PROM1: variants seen among roughly 807,000 people sequenced by gnomAD.
PROM1 encodes the protein prominin 1.
Under a neutral mutation model 116.9 loss-of-function variants are expected in PROM1, and 105 were observed. The ratio of observed to expected loss-of-function variants is 0.90; its 90% CI spans 0.77 to 1.06. The LOEUF (loss-of-function observed/expected upper bound fraction) is 1.06. PROM1 is among the 50% of genes least tolerant of loss of function. The pLI, the probability that PROM1 is intolerant of heterozygous loss-of-function variation, is 0.00. For synonymous variants in PROM1, 393 were observed against 387.0 expected (o/e 1.02, Z -0.18); for missense variants, 1,122 against 1,045.2 (o/e 1.07, Z -1.01).
At chr4:16,004,840 C>CTTTCTTTT (rs1560460184) in intron 13 of PROM1, among the ~76,000 whole-genome samples, 5 of 117,882 alleles carry the variant, frequency 4.2e-5, no homozygotes, top group African/African-American at 1.5e-4. Flanking sequence ...TTTCTTCCTT[C>CTTTCTTTT]CTTCCTTCCT....
intron 22 of PROM1, 183 bp downstream of exon 22, chr4:15,985,577 A>AG (rs1719157121): frequency 3.3e-6 from 2 of 608,704 alleles, no homozygotes. Context: ...GGGGACCAGG[A>AG]GGTGGCTGTC....
At chr4:16,009,372 CT>C (rs746061473) in intron 11 of PROM1, among the ~76,000 whole-genome samples, 9 of 152,294 alleles carry the variant, frequency 5.9e-5, no homozygotes, top group Non-Finnish European at 1.0e-4. Flanking sequence ...ACTTACTTTA[CT>C]TAAAGTAGAT....
At chr4:16,038,106 G>A (rs971560241) in intron 3 of PROM1, 1 of 152,122 alleles carries the variant, frequency 6.6e-6, no homozygotes, top group Non-Finnish European at 1.5e-5. Context: ...TATGATCCTT[G>A]TTACATTAAC....
intron 15 of PROM1, among the ~76,000 whole-genome samples, chr4:15,997,730 G>A (rs1296121243): frequency 6.6e-6 from 1 of 152,212 alleles, no homozygotes; most frequent in Non-Finnish European, 1.5e-5. Flanking sequence ...CTCCCAAAGT[G>A]CTGGGATTAT....
At chr4:16,026,425 T>A (rs1211410677) in intron 5 of PROM1, among the ~76,000 whole-genome samples, 1 of 152,102 alleles carries the variant, frequency 6.6e-6, no homozygotes, top group Non-Finnish European at 1.5e-5. Flanking sequence ...GTAAAAAACT[T>A]GTTAGTTTGT....
chr4:16,016,263 A>G lies in PROM1; in HGVS notation c.1003-23T>C, dbSNP rs1346541901. The G allele has an allele frequency of 3.9e-6, 6 of 1,533,728 alleles. No individual in the cohort carries two copies. In the African/African-American group the frequency reaches 5.5e-5, roughly 14 times the overall value. On this transcript the variant is annotated intron_variant, in intron 9 of 27. Coordinates refer to ENST00000447510, the MANE Select transcript of PROM1 (RefSeq NM_006017.3). ...AAGCTGAAAATTTATAAAACAAAAT[A>G]TAAGACAAGGTTGTTACCTTCAAAA...
Position 16,024,284 on chromosome 4 carries a change from A to G in PROM1, c.694+11T>C. ...GAAAAAAAATGTGAAGCAACTTTAA[A>G]TTTTACTCACTGTTCAGATCTGTGA... On this transcript the variant is annotated intron_variant, in intron 7 of 27. Coordinates refer to ENST00000447510, the MANE Select transcript of PROM1 (RefSeq NM_006017.3). 1 of 1,609,918 alleles carries G rather than the reference A, an allele frequency of 6.2e-7. No homozygotes were observed. The highest frequency in any genetic ancestry group is 2.2e-5 in the East Asian group (1 of 44,832).
intron 14 of PROM1, among the ~76,000 whole-genome samples, chr4:15,999,205 C>T (rs1485543510): frequency 7.2e-5 from 11 of 151,992 alleles, no homozygotes; most frequent in Non-Finnish European, 4.4e-5. Flanking sequence ...GGCGCTGTGG[C>T]TCACGCCTGT....
At chr4:16,032,631 G>A (rs776013060) in intron 5 of PROM1, among the ~76,000 whole-genome samples, 2 of 152,034 alleles carry the variant, frequency 1.3e-5, no homozygotes, top group Non-Finnish European at 2.9e-5. Context: ...CTGCTGTGGC[G>A]CACTCATCTT....
intron 14 of PROM1, among the ~76,000 whole-genome samples, chr4:15,999,426 G>C (rs1191028099): frequency 6.6e-6 from 1 of 151,640 alleles, no homozygotes. Context: ...AGCCTAGATG[G>C]CACCACTGCA....
At chr4:15,973,911 T>C (rs1048945473) in intron 26 of PROM1, among the ~76,000 whole-genome samples, 7 of 152,104 alleles carry the variant, frequency 4.6e-5, no homozygotes, top group Non-Finnish European at 1.0e-4. Flanking sequence ...AGAGGGCCGA[T>C]GTGGGGACTG....
At chr4:16,041,781 AATAAATAT>A (rs1191349631) in intron 2 of PROM1, among the ~76,000 whole-genome samples, 1,856 of 56,190 alleles carry the variant, frequency 0.033, 53 homozygotes, top group African/African-American at 0.13. Flanking sequence ...TAAATAAATA[AATAAATAT>A]ATATATATAT....
rs777979002 is a variant in PROM1 at position 16,042,365 on chromosome 4, C to G, written c.221-3364G>C. ...TGGGAGATGTGCAAAACTCAGTGAA[C>G]GAATATTTTCCAAAAGATTCATGCA... On this transcript the variant is annotated intron_variant, in intron 2 of 27. Transcript: ENST00000447510. Among the ~76,000 whole-genome samples the G allele has an allele frequency of 7.9e-5, 12 of 152,142 alleles. No individual in the cohort carries two copies. The South Asian group carries it at 1.2e-3, about 16-fold the overall frequency.
At chr4:15,980,764 T>C (rs1717662875) in intron 23 of PROM1, among the ~76,000 whole-genome samples, 1 of 152,048 alleles carries the variant, frequency 6.6e-6, no homozygotes, top group Non-Finnish European at 1.5e-5. Context: ...GAGTAGATCC[T>C]ATTATTATGT....
intron 2 of PROM1, among the ~76,000 whole-genome samples, chr4:16,068,005 C>A (rs374098722): frequency 2.8e-4 from 42 of 152,276 alleles, no homozygotes; most frequent in African/African-American, 9.9e-4. Context: ...TGCTGACAAG[C>A]TGGTTCTCCA....
chr4:16,081,876 C>G (rs933065156), intron 1 of PROM1, among the ~76,000 whole-genome samples: 12 of 150,284 alleles, frequency 8.0e-5, no homozygotes, highest in African/African-American at 2.5e-4. Context: ...GTTTAGAAAT[C>G]AGAAGGAAGT....
rs1713563932 is a variant in PROM1, at chr4:15,968,289, T to C, written c.*1104A>G. On this transcript the variant is annotated 3_prime_UTR_variant, in exon 28 of 28. Transcript: ENST00000447510. ...ACTGCAATCTGCACATGAAAAGACC[T>C]GGGGGGAATGCCTACATCTGGAATT... 3 of 152,206 alleles carry C rather than the reference T, an allele frequency of 2.0e-5. No individual in the cohort carries two copies. In the South Asian group the frequency reaches 6.2e-4, roughly 32 times the overall value. 9.4% of individuals were successfully genotyped at this position (152,206 alleles called of 1,614,324 possible).
chr4:16,081,051 A>T (rs1744945619), intron 1 of PROM1, among the ~76,000 whole-genome samples: 1 of 150,002 alleles, frequency 6.7e-6, no homozygotes, highest in Non-Finnish European at 1.5e-5. Context: ...ATACATATAT[A>T]TATGTATATG....
At chr4:15,976,467 G>A (rs1036900893) in intron 26 of PROM1, among the ~76,000 whole-genome samples, 3 of 152,210 alleles carry the variant, frequency 2.0e-5, no homozygotes, top group Non-Finnish European at 4.4e-5. Context: ...ATAGGTGCTC[G>A]GTTATTCTCT....
Sources: allele counts gnomAD v4.1 joint callset (sites outside exome capture counted in the v4.1 genomes callset), GRCh38; gene constraint gnomAD v4.1.1; transcripts MANE v1.5; gene names NCBI Gene and HGNC (gene_info 2026-07-23, HGNC 2026-07-21).